Variants in PIP4K2A observed in about 807,000 individuals in gnomAD.
PIP4K2A encodes the protein phosphatidylinositol-5-phosphate 4-kinase type 2 alpha, also known as phosphatidylinositol 5-phosphate 4-kinase type-2 alpha.
A neutral mutation model predicts 42.9 loss-of-function variants in PIP4K2A; 14 were observed. The ratio of observed to expected loss-of-function variants is 0.33; its 90% confidence interval spans 0.22 to 0.51. The LOEUF is 0.51. Ranked by LOEUF, PIP4K2A falls within the 20% of genes least tolerant of loss-of-function variation. The probability of loss-of-function intolerance (pLI) is 0.97; values close to 1 mark genes in which losing one functional copy is unlikely to be tolerated. For missense variants in PIP4K2A, 434 were observed against 519.8 expected (o/e 0.83, Z 1.61); for synonymous variants, 192 against 192.2 (o/e 1.00, Z 0.01).
chr10:22,678,753 G>A (rs1018271270), intron 1 of PIP4K2A, among the ~76,000 whole-genome samples: 3 of 152,034 alleles, frequency 2.0e-5, no homozygotes, highest in Non-Finnish European at 2.9e-5. Flanking sequence ...AAAGACACCA[G>A]AACAAAATAA....
rs932406112 is a variant in PIP4K2A, at chr10:22,536,485, G to T, written c.*716C>A. ...AGGGGTGGGGGCTCTGGACACCAGG[G>T]GGTCCTGACAAGGCTGGGGCCAGAA... On this transcript the variant is annotated 3_prime_UTR_variant, in exon 10 of 10. Coordinates refer to ENST00000376573, the MANE Select transcript of PIP4K2A (RefSeq NM_005028.5). 1.1e-5 allele frequency: 2 copies of T among 184,082 alleles called. 1 individual carries two copies. Among genetic ancestry groups the T allele is most frequent in the Non-Finnish European group, 2.2e-5 (2 of 89,670 alleles). The allele number at this position is 184,082 out of a possible 1,614,324, so 11.4% of individuals were successfully genotyped here.
chr10:22,631,199 A>T (rs1361540826), intron 1 of PIP4K2A, among the ~76,000 whole-genome samples: 1 of 152,216 alleles, frequency 6.6e-6, no homozygotes, highest in African/African-American at 2.4e-5. Flanking sequence ...AATAGTGATA[A>T]TAACAGACTG....
intron 1 of PIP4K2A, among the ~76,000 whole-genome samples, chr10:22,681,586 G>T (rs917067460): frequency 2.0e-5 from 3 of 152,132 alleles, no homozygotes; most frequent in Non-Finnish European, 2.9e-5. Flanking sequence ...GAGGTAGGAG[G>T]ATGCCTTGAG....
At chr10:22,617,144 C>T (rs1838194825) in intron 1 of PIP4K2A, among the ~76,000 whole-genome samples, 2 of 152,254 alleles carry the variant, frequency 1.3e-5, no homozygotes, top group African/African-American at 4.8e-5. Context: ...CCCTCCAACA[C>T]TGCAAAACAC....
chr10:22,608,356 G>A (rs893733764), intron 2 of PIP4K2A, among the ~76,000 whole-genome samples: 1 of 152,160 alleles, frequency 6.6e-6, no homozygotes, highest in Non-Finnish European at 1.5e-5. Context: ...GCACAATGGC[G>A]GGAGAGTGAG....
chr10:22,566,376 C>A (rs1201719961), intron 6 of PIP4K2A, among the ~76,000 whole-genome samples: 2 of 152,174 alleles, frequency 1.3e-5, no homozygotes, highest in Non-Finnish European at 2.9e-5. Flanking sequence ...ACTCCTCCTC[C>A]TGCTCTTGTT....
chr10:22,703,012 G>C (rs933365001), intron 1 of PIP4K2A, among the ~76,000 whole-genome samples: 4 of 152,184 alleles, frequency 2.6e-5, no homozygotes, highest in African/African-American at 7.2e-5. Flanking sequence ...CAGTATGATA[G>C]TGGAGGGGCT....
intron 3 of PIP4K2A, among the ~76,000 whole-genome samples, chr10:22,596,671 C>A (rs575087014): frequency 2.6e-5 from 4 of 152,214 alleles, no homozygotes; most frequent in Non-Finnish European, 4.4e-5. Flanking sequence ...CCTTCAGGTG[C>A]CCCCGAGGGG....
intron 1 of PIP4K2A, among the ~76,000 whole-genome samples, chr10:22,701,226 CAAT>C (rs1833709716): frequency 6.6e-6 from 1 of 152,176 alleles, no homozygotes; most frequent in South Asian, 2.1e-4. Context: ...CCCCAAATAA[CAAT>C]AATGTAATGG....
chr10:22,622,191 T>C (rs1838346084), intron 1 of PIP4K2A, among the ~76,000 whole-genome samples: 1 of 152,174 alleles, frequency 6.6e-6, no homozygotes. Flanking sequence ...AGTAGAGGAT[T>C]GTTAGCAGAC....
chr10:22,713,974 C>CTTT, intron 1 of PIP4K2A: 1 of 506,560 alleles, frequency 2.0e-6, no homozygotes, highest in Non-Finnish European at 3.5e-6. Flanking sequence ...GGCCATAGAT[C>CTTT]TAAAGGGGAC....
intron 1 of PIP4K2A, among the ~76,000 whole-genome samples, chr10:22,701,069 A>C (rs1833706298): frequency 6.6e-6 from 1 of 152,114 alleles, no homozygotes; most frequent in Non-Finnish European, 1.5e-5. Flanking sequence ...TCCATCCACC[A>C]CGCTAATTCA....
intron 6 of PIP4K2A, among the ~76,000 whole-genome samples, chr10:22,558,597 C>A (rs1305601070): frequency 6.6e-6 from 1 of 152,160 alleles, no homozygotes; most frequent in Non-Finnish European, 1.5e-5. Flanking sequence ...CATATGCCAA[C>A]CTCCTTTAAC....
chr10:22,714,130 AGGAG>A (rs1192996526), intron 1 of PIP4K2A, 49 bp downstream of exon 1: 2 of 1,526,260 alleles, frequency 1.3e-6, no homozygotes, highest in Non-Finnish European at 1.8e-6. Flanking sequence ...GAGGGGAACG[AGGAG>A]GAAGAGGAGG....
intron 1 of PIP4K2A, among the ~76,000 whole-genome samples, chr10:22,713,267 A>C (rs372426062): frequency 2.1e-4 from 32 of 152,142 alleles, no homozygotes; most frequent in African/African-American, 5.5e-4. Context: ...GCATCCTCCA[A>C]TCCCCGACTG....
At chr10:22,686,045 T>A (rs1365393946) in intron 1 of PIP4K2A, among the ~76,000 whole-genome samples, 3 of 152,096 alleles carry the variant, frequency 2.0e-5, no homozygotes, top group Non-Finnish European at 4.4e-5. Context: ...ATACTGGGCG[T>A]GTCAAGATTG....
intron 5 of PIP4K2A, among the ~76,000 whole-genome samples, chr10:22,572,179 A>T (rs1335581701): frequency 1.3e-5 from 2 of 152,234 alleles, no homozygotes; most frequent in Non-Finnish European, 2.9e-5. Flanking sequence ...TTTTCTGCAA[A>T]CAGTCAGTGG....
At chr10:22,547,697 G>A (rs1259356949) in intron 7 of PIP4K2A, among the ~76,000 whole-genome samples, 1 of 152,214 alleles carries the variant, frequency 6.6e-6, no homozygotes, top group Non-Finnish European at 1.5e-5. Flanking sequence ...CATCATGTGA[G>A]TCAATGAGAG....
chr10:22,590,237 T>G (rs895788198), intron 4 of PIP4K2A, among the ~76,000 whole-genome samples: 4 of 152,234 alleles, frequency 2.6e-5, no homozygotes, highest in African/African-American at 9.6e-5. Flanking sequence ...GTCTACGGTT[T>G]TTTATGACAG....
Sources: gnomAD v4.1 joint callset for allele counts (sites outside exome capture counted in the v4.1 genomes callset) on GRCh38, gnomAD v4.1.1 for gene constraint, MANE v1.5 for transcripts, NCBI Gene and HGNC (gene_info 2026-07-23, HGNC 2026-07-21) for gene names.